Variants in IQCE observed in about 807,000 individuals in gnomAD.
The protein encoded by IQCE is IQ motif containing E.
A neutral mutation model predicts 96.0 loss-of-function variants in IQCE; 115 were observed. The observed-to-expected ratio is 1.20, with a 90% CI of 1.03 to 1.40. The LOEUF (loss-of-function observed/expected upper bound fraction) is 1.40, where lower values mean the gene tolerates loss of function less well. Ranked by LOEUF, IQCE falls within the 40% of genes most tolerant of loss-of-function variation. IQCE has a pLI of 0.00. For synonymous variants in IQCE, 412 were observed against 371.2 expected (o/e 1.11, Z -1.26); for missense variants, 1,041 against 909.1 (o/e 1.15, Z -1.87).
At chr7:2,580,112 G>A (rs1206060372) in intron 8 of IQCE, 1 of 152,070 alleles carries the variant, frequency 6.6e-6, no homozygotes, top group African/African-American at 2.4e-5. Context: ...GTCCATCAGT[G>A]TGGCTGTGCC....
At position 2,582,289 on chromosome 7, in the gene IQCE, C is replaced by G. The variant is rs115077492; in HGVS notation, c.631-291C>G. ...TCAAGGGCACACCCTGCTCTGTCCC[C>G]CAGGTGTGCAGTGTGCTTGGGGGAG... is the stretch of plus-strand genomic sequence containing the variant. On this transcript the variant is annotated intron_variant, in intron 8 of 21. Coordinates refer to ENST00000402050, the MANE Select transcript of IQCE (RefSeq NM_152558.5). Among the ~76,000 whole-genome samples the G allele has an allele frequency of 5.4e-3, 819 of 152,284 alleles. 10 individuals are homozygous for G. The highest frequency in any genetic ancestry group is 0.019 in the African/African-American group (783 of 41,560).
intron 4 of IQCE, among the ~76,000 whole-genome samples, chr7:2,571,974 A>G (rs1456996401): frequency 6.6e-6 from 1 of 152,174 alleles, no homozygotes; most frequent in African/African-American, 2.4e-5. Flanking sequence ...TAGACATGGT[A>G]GAAATATGTA....
chr7:2,575,896 T>C (rs1211259948), intron 6 of IQCE, among the ~76,000 whole-genome samples: 2 of 152,158 alleles, frequency 1.3e-5, no homozygotes, highest in African/African-American at 2.4e-5. Flanking sequence ...CAGTCTTAGG[T>C]TGCATTACAC....
At position 2,610,610 on chromosome 7, in the gene IQCE, G is replaced by A; in HGVS notation, c.*448G>A. On this transcript the variant is annotated 3_prime_UTR_variant, in exon 22 of 22. Coordinates refer to ENST00000402050, the MANE Select transcript of IQCE (RefSeq NM_152558.5). Reference sequence around the variant, plus strand: ...GCTCGATCTCAGCCCAGCAGGCCAGGCAGACACACCCCGCTGTGCCTTAGG... The same window carrying A: ...GCTCGATCTCAGCCCAGCAGGCCAGACAGACACACCCCGCTGTGCCTTAGG... The A allele has an allele frequency of 5.6e-6, 1 of 179,710 alleles. No homozygotes were observed. The highest frequency in any genetic ancestry group is 1.2e-5 in the Non-Finnish European group (1 of 84,776). The allele number at this position is 179,710 out of a possible 1,614,324, so 11.1% of individuals were successfully genotyped here. A position where few individuals can be genotyped will look rare whatever the true frequency, so the allele number is the denominator to read the frequency against.
intron 14 of IQCE, among the ~76,000 whole-genome samples, chr7:2,590,591 T>TC (rs1480271992): frequency 6.6e-6 from 1 of 151,562 alleles, no homozygotes; most frequent in African/African-American, 2.4e-5. Flanking sequence ...ACAGCAAGAC[T>TC]CCATCTGTAC....
At chr7:2,577,701 C>T (rs1269608505) in intron 6 of IQCE, among the ~76,000 whole-genome samples, 2 of 81,702 alleles carry the variant, frequency 2.4e-5, no homozygotes, top group East Asian at 2.9e-4. Flanking sequence ...TTGGCGTGTG[C>T]GTGGCTGTGC....
In IQCE at chr7:2,612,891, GGA is replaced by G. The variant is rs1313081307; in HGVS notation, c.*2732_*2733del. 2 of 152,210 alleles carry G rather than the reference GGA, an allele frequency of 1.3e-5. No homozygotes were observed. Among genetic ancestry groups the G allele is most frequent in the Admixed American group, 6.5e-5 (1 of 15,270 alleles). 9.4% of individuals were successfully genotyped at this position (152,210 alleles called of 1,614,324 possible). On this transcript the variant is annotated 3_prime_UTR_variant, in exon 22 of 22. Transcript: ENST00000402050. ...CCTAGGAAAGTAGACAACTCCCGGG[GGA>G]GACGAAGTAGAGAGTGAGTCCCCAA...
intron 1 of IQCE, among the ~76,000 whole-genome samples, chr7:2,560,265 C>T (rs1477649784): frequency 6.6e-6 from 1 of 152,192 alleles, no homozygotes; most frequent in African/African-American, 2.4e-5. Flanking sequence ...AAAGAAAGCC[C>T]GTTGGGACGC....
In IQCE at chr7:2,572,253, C is replaced by A. The variant is rs376323172; in HGVS notation, c.321C>A (p.Pro107=). The change falls in exon 5 of 22, where the codon CCC becomes CCA. Residue 107 remains proline (P), a synonymous_variant. Coordinates refer to ENST00000402050, the MANE Select transcript of IQCE (RefSeq NM_152558.5). ...LTWEHAWTGV[P]GGTPDCLTDT... ...GGGAGCATGCGTGGACTGGCGTCCC[C>A]GGCGGCACTCCTGACTGTCTGACAG... 1 of 1,614,164 alleles carries A rather than the reference C, an allele frequency of 6.2e-7. No homozygotes were observed. Among genetic ancestry groups the A allele is most frequent in the Non-Finnish European group, 8.5e-7 (1 of 1,180,000 alleles).
At chr7:2,562,427 T>C (rs907047289) in intron 1 of IQCE, among the ~76,000 whole-genome samples, 1 of 152,116 alleles carries the variant, frequency 6.6e-6, no homozygotes, top group Non-Finnish European at 1.5e-5. Context: ...CAGTGTAATA[T>C]AGGTCTCATA....
chr7:2,601,238 G>A (rs1336649569), intron 17 of IQCE, among the ~76,000 whole-genome samples: 5 of 152,146 alleles, frequency 3.3e-5, no homozygotes, highest in East Asian at 1.9e-4. Flanking sequence ...GAGAATTCCC[G>A]CCATCCTAAT....
At chr7:2,598,269 C>T (rs747250185) in intron 16 of IQCE, 196 bp from the exon 17 acceptor site, 34 of 513,518 alleles carry the variant, frequency 6.6e-5, no homozygotes, top group Admixed American at 9.0e-5. Flanking sequence ...CTCGCCTAGA[C>T]GCTGTCTCTC....
At chr7:2,578,575 T>C in intron 8 of IQCE, 49 bp downstream of exon 8, 1 of 1,599,180 alleles carries the variant, frequency 6.3e-7, no homozygotes, top group Non-Finnish European at 8.6e-7. Flanking sequence ...CGCTAGTTAC[T>C]GGGGACAGCC....
chr7:2,590,931 A>G (rs1221636356), intron 14 of IQCE, among the ~76,000 whole-genome samples: 5 of 152,030 alleles, frequency 3.3e-5, no homozygotes, highest in Admixed American at 6.5e-5. Context: ...TATGGGGGAT[A>G]TGATCTATTA....
intron 17 of IQCE, 81 bp downstream of exon 17, chr7:2,598,713 C>G (rs12700147): frequency 0.42 from 542,266 of 1,292,524 alleles, 117,678 homozygotes; most frequent in African/African-American, 0.49. Flanking sequence ...CCAGGAATGA[C>G]TGGGCCTGGA....
rs1341744540 is a variant in IQCE at position 2,601,308 on chromosome 7, G to A, written c.1609-133G>A. Reference sequence around the variant, plus strand: ...TTTGTTTGCTGGGTCCCGGCAGCTCGGGAGGGAGGAGCCAGGGCAGCCAGG... The same window carrying A: ...TTTGTTTGCTGGGTCCCGGCAGCTCAGGAGGGAGGAGCCAGGGCAGCCAGG... On this transcript the variant is annotated intron_variant, in intron 17 of 21. Coordinates refer to ENST00000402050, the MANE Select transcript of IQCE (RefSeq NM_152558.5). The A allele has an allele frequency of 8.8e-6, 6 of 678,854 alleles. No individual in the cohort carries two copies. In the African/African-American group the frequency reaches 9.2e-5, roughly 10 times the overall value. The allele number at this position is 678,854 out of a possible 1,614,324, so 42.1% of individuals were successfully genotyped here.
At chr7:2,588,261 A>G (rs1409210364) in intron 13 of IQCE, among the ~76,000 whole-genome samples, 1 of 152,200 alleles carries the variant, frequency 6.6e-6, no homozygotes, top group Non-Finnish European at 1.5e-5. Context: ...AATGTCGGGA[A>G]ATGAACATTT....
intron 5 of IQCE, chr7:2,572,793 C>G (rs1458706219): frequency 2.2e-6 from 1 of 452,884 alleles, no homozygotes; most frequent in African/African-American, 2.0e-5. Flanking sequence ...ATCCTCTCAC[C>G]TTGGCCTCCC....
chr7:2,605,767 A>T, intron 19 of IQCE, 109 bp from the exon 20 acceptor site: 1 of 1,189,958 alleles, frequency 8.4e-7, no homozygotes, highest in Non-Finnish European at 1.1e-6. Context: ...TGAAAAGGAA[A>T]CTGAGCTCTT....
Sources: gnomAD v4.1 joint callset for allele counts (sites outside exome capture counted in the v4.1 genomes callset) on GRCh38, gnomAD v4.1.1 for gene constraint, MANE v1.5 for transcripts, NCBI Gene and HGNC (gene_info 2026-07-23, HGNC 2026-07-21) for gene names.